ARID4B: variants seen among roughly 807,000 people sequenced by gnomAD.
ARID4B encodes the protein AT-rich interactive domain-containing protein 4B.
In ARID4B, 26 loss-of-function variants were observed where a neutral mutation model predicts 147.5. The ratio of observed to expected loss-of-function variants is 0.18; its 90% CI spans 0.13 to 0.24. The LOEUF is 0.24. ARID4B is among the 10% of genes least tolerant of loss of function. ARID4B has a pLI of 1.00. For synonymous variants in ARID4B, 512 were observed against 507.9 expected (o/e 1.01, Z -0.11); for missense variants, 1,179 against 1,511.5 (o/e 0.78, Z 3.65).
At chr1:235,215,547 ATGTGTGTGTG>A (rs370429662) in intron 16 of ARID4B, among the ~76,000 whole-genome samples, 3 of 136,450 alleles carry the variant, frequency 2.2e-5, no homozygotes, top group East Asian at 4.2e-4. Context: ...ACACATATAT[ATGTGTGTGTG>A]TGTGTGTGTG....
At chr1:235,176,636 C>T in intron 21 of ARID4B, 1 of 264,622 alleles carries the variant, frequency 3.8e-6, no homozygotes, top group South Asian at 4.1e-5. Context: ...CTGGCAACTC[C>T]TAGCTAAGCC....
intron 2 of ARID4B, among the ~76,000 whole-genome samples, chr1:235,320,133 A>G (rs1189407949): frequency 6.6e-6 from 1 of 151,390 alleles, no homozygotes; most frequent in African/African-American, 2.4e-5. Flanking sequence ...CTAAAAAAAA[A>G]AAAACAAAAA....
rs869157061 is a variant in ARID4B at position 235,236,862 on chromosome 1, A to ATTTTTTT, written c.586-2377_586-2371dup. On this transcript the variant is annotated intron_variant, in intron 8 of 23. Coordinates refer to ENST00000264183, the MANE Select transcript of ARID4B (RefSeq NM_016374.6). The stretch of plus-strand genomic sequence containing the variant: ...TATATATATATATATATATATATAT[A>ATTTTTTT]TTTTTTTTTTTTTTTTTTTTTTTTT... Among the ~76,000 whole-genome samples, 2 of 17,490 alleles carry ATTTTTTT rather than the reference A, an allele frequency of 1.1e-4. 1 individual carries two copies. The highest frequency in any genetic ancestry group is 4.4e-4 in the African/African-American group (2 of 4,518). 11.5% of individuals were successfully genotyped at this position (17,490 alleles called of 152,430 possible). A position where few individuals can be genotyped will look rare whatever the true frequency, so the allele number is the denominator to read the frequency against.
chr1:235,177,304 T>A (rs1379654763), intron 21 of ARID4B, among the ~76,000 whole-genome samples: 2 of 152,238 alleles, frequency 1.3e-5, no homozygotes, highest in Admixed American at 6.5e-5. Flanking sequence ...GTAACAAATA[T>A]GTTGATGTTT....
intron 8 of ARID4B, among the ~76,000 whole-genome samples, chr1:235,239,975 T>A (rs1225140451): frequency 6.6e-6 from 1 of 152,176 alleles, no homozygotes; most frequent in African/African-American, 2.4e-5. Context: ...GGTCTAGTTA[T>A]CCCTGTCAAC....
intron 19 of ARID4B, among the ~76,000 whole-genome samples, chr1:235,186,503 C>T (rs1474238835): frequency 1.3e-5 from 2 of 151,704 alleles, no homozygotes; most frequent in Non-Finnish European, 2.9e-5. Context: ...CTCCACCTCC[C>T]GGGTTCAGGC....
intron 22 of ARID4B, among the ~76,000 whole-genome samples, chr1:235,173,728 ACCT>A (rs1214504311): frequency 8.6e-6 from 1 of 116,636 alleles, no homozygotes; most frequent in Admixed American, 9.8e-5. Context: ...ACATAATGAG[ACCT>A]CGTCTCTATT....
rs751770668 is a variant in ARID4B at position 235,231,194 on chromosome 1, A to G, written c.666-5T>C. On this transcript the variant is annotated splice_region_variant and splice_polypyrimidine_tract_variant and intron_variant, in intron 9 of 23. Transcript: ENST00000264183. Reference sequence around the variant, plus strand: ...TCTTTTCTTGGAACTGAAGTACTATATATTTTTTTTAATTATAAGAGAAGA... The same window carrying G: ...TCTTTTCTTGGAACTGAAGTACTATGTATTTTTTTTAATTATAAGAGAAGA... 11 of 1,521,950 alleles carry G rather than the reference A, an allele frequency of 7.2e-6. No homozygotes were observed. The highest frequency in any genetic ancestry group is 2.3e-5 in the East Asian group (1 of 43,236). 94.3% of individuals were successfully genotyped at this position (1,521,950 alleles called of 1,614,324 possible).
intron 10 of ARID4B, among the ~76,000 whole-genome samples, chr1:235,230,144 T>A (rs567253450): frequency 6.6e-6 from 1 of 152,110 alleles, no homozygotes; most frequent in East Asian, 1.9e-4. Flanking sequence ...CAGTCAGGCG[T>A]GATGGCTTAT....
At chr1:235,313,306 G>A (rs1172902327) in intron 2 of ARID4B, among the ~76,000 whole-genome samples, 4 of 151,876 alleles carry the variant, frequency 2.6e-5, no homozygotes, top group South Asian at 2.1e-4. Flanking sequence ...CTAGGATTAC[G>A]GGCATGACCC....
chr1:235,286,862 T>G (rs976952864), intron 2 of ARID4B, among the ~76,000 whole-genome samples: 2 of 152,150 alleles, frequency 1.3e-5, no homozygotes, highest in Non-Finnish European at 2.9e-5. Flanking sequence ...GCTACCATAA[T>G]CTAGAATGAG....
intron 2 of ARID4B, among the ~76,000 whole-genome samples, chr1:235,262,393 T>C (rs544167741): frequency 6.6e-5 from 10 of 152,128 alleles, no homozygotes; most frequent in African/African-American, 1.4e-4. Flanking sequence ...CTTAGGAAAA[T>C]GCCTATTCAT....
At chr1:235,289,725 C>CAA (rs35163064) in intron 2 of ARID4B, among the ~76,000 whole-genome samples, 5 of 92,954 alleles carry the variant, frequency 5.4e-5, no homozygotes, top group South Asian at 2.8e-4. Context: ...GATTCTGCCT[C>CAA]AAAAAAAAAA....
intron 2 of ARID4B, among the ~76,000 whole-genome samples, chr1:235,275,201 A>C (rs993032858): frequency 1.3e-5 from 2 of 152,224 alleles, no homozygotes; most frequent in East Asian, 3.8e-4. Context: ...TATCAATTAC[A>C]AGTTATTTCT....
intron 6 of ARID4B, 77 bp downstream of exon 6, chr1:235,252,653 C>T: frequency 8.1e-7 from 1 of 1,238,936 alleles, no homozygotes; most frequent in Non-Finnish European, 1.2e-6. Flanking sequence ...AGTAGGTTTA[C>T]TGAGTTGAGA....
intron 2 of ARID4B, among the ~76,000 whole-genome samples, chr1:235,295,326 A>G (rs936350603): frequency 2.0e-5 from 3 of 152,012 alleles, no homozygotes; most frequent in Admixed American, 1.3e-4. Context: ...CCTGGCCAAC[A>G]TGGCAAAACC....
At chr1:235,318,168 C>CTTTT (rs372816686) in intron 2 of ARID4B, among the ~76,000 whole-genome samples, 11 of 111,988 alleles carry the variant, frequency 9.8e-5, no homozygotes, top group South Asian at 2.7e-4. Context: ...CTTGCTACTC[C>CTTTT]TTTTTTTTTT....
intron 23 of ARID4B, 49 bp from the exon 24 acceptor site, chr1:235,168,701 A>G (rs1663108117): frequency 6.4e-7 from 1 of 1,574,464 alleles, no homozygotes; most frequent in South Asian, 1.2e-5. Context: ...ATTTATGTCT[A>G]ACAATAGACA....
At chr1:235,324,178 AT>A (rs1675049955) in intron 2 of ARID4B, among the ~76,000 whole-genome samples, 1 of 152,186 alleles carries the variant, frequency 6.6e-6, no homozygotes, top group Admixed American at 6.5e-5. Context: ...AAGTGCTGTG[AT>A]TACAGGCGTG....
Sources: gnomAD v4.1 joint callset for allele counts (sites outside exome capture counted in the v4.1 genomes callset) on GRCh38, gnomAD v4.1.1 for gene constraint, MANE v1.5 for transcripts, NCBI Gene and HGNC (gene_info 2026-07-23, HGNC 2026-07-21) for gene names.